MAP4: variants seen among roughly 807,000 people sequenced by gnomAD.
MAP4 encodes the protein microtubule-associated protein 4.
MAP4 carries 76 observed loss-of-function variants against 170.2 expected under a neutral mutation model. That is an observed-to-expected ratio of 0.45 (90% confidence interval 0.37 to 0.54). MAP4 has a LOEUF of 0.54. Among genes scored for constraint, MAP4 ranks in the 20% least tolerant of loss-of-function variants. The probability of loss-of-function intolerance (pLI) is 0.00; values close to 1 mark genes in which losing one functional copy is unlikely to be tolerated. For synonymous variants in MAP4, 909 were observed against 994.5 expected (o/e 0.91, Z 1.62); for missense variants, 2,506 against 2,748.0 (o/e 0.91, Z 1.97).
chr3:48,061,094 C>G (rs1288976895), intron 1 of MAP4, among the ~76,000 whole-genome samples: 1 of 152,082 alleles, frequency 6.6e-6, no homozygotes, highest in Non-Finnish European at 1.5e-5. Flanking sequence ...ATCCACCCAC[C>G]TCGGCCTTCC....
At position 47,917,007 on chromosome 3, in the gene MAP4, A is replaced by C. The variant is rs967200983; in HGVS notation, c.820T>G (p.Leu274Val). The C allele has an allele frequency of 1.2e-6, 2 of 1,613,932 alleles. No individual in the cohort carries two copies. Among genetic ancestry groups the C allele is most frequent in the African/African-American group, 2.7e-5 (2 of 74,882 alleles). Residue 274 changes from leucine to valine, a missense_variant, in exon 7 of 21, where the codon TTG becomes GTG. By Grantham distance (32) the Leu-to-Val change is conservative. This residue lies in a region of MAP4 where 2,008 missense variants were observed against 2,206.0 expected (regional missense o/e 0.91). Transcript: ENST00000683076. The stretch of plus-strand genomic sequence containing the variant: ...GTGGGTGATTCCATATCTTTAGCCA[A>C]TGCCACCTCGGTTTTTGTAGCTAGT... ...MALATKTEVA[L>V]AKDMESPTKL...
Position 47,912,009 on chromosome 3 carries a change from A to G in MAP4, c.2412T>C (p.Ala804=). 1 of 1,536,134 alleles carries G rather than the reference A, an allele frequency of 6.5e-7. No individual in the cohort carries two copies. The highest frequency in any genetic ancestry group is 2.4e-5 in the East Asian group (1 of 40,926). The part of the protein sequence containing the change: ...ADKPKGHPFA[A]DTQKSGVLPS... ...GGAGAACACCTGATTTTTGTGTGTC[A>G]GCTGCAAATGGATGACCTTTAGGCT... The change falls in exon 9 of 21, where the codon GCT becomes GCC. Residue 804 remains alanine, a synonymous_variant. Coordinates refer to ENST00000683076, the MANE Select transcript of MAP4 (RefSeq NM_001385682.1).
At position 47,877,457 on chromosome 3, in the gene MAP4, G is replaced by C; in HGVS notation, c.5501C>G (p.Pro1834Arg). Reference sequence around the variant, plus strand: ...TGGGCTTGGTGGGAGCTCCTTGTTCGGTGGGGTGGTGATGTCATTTCCTGT... The same window carrying C: ...TGGGCTTGGTGGGAGCTCCTTGTTCCGTGGGGTGGTGATGTCATTTCCTGT... ...SGTGNDITTP[P>R]NKELPPSPEK... Residue 1834 changes from proline to arginine, a missense_variant, in exon 11 of 21, where the codon CCG (proline) becomes CGG (arginine). By Grantham distance (103) the Pro-to-Arg change is moderately radical. Transcript: ENST00000683076. 6.2e-7 allele frequency: 1 copy of C among 1,614,026 alleles called. No individual in the cohort carries two copies. The highest frequency in any genetic ancestry group is 8.5e-7 in the Non-Finnish European group (1 of 1,179,972).
intron 1 of MAP4, among the ~76,000 whole-genome samples, chr3:48,061,591 T>G (rs1350791586): frequency 2.6e-5 from 4 of 152,168 alleles, no homozygotes; most frequent in African/African-American, 9.7e-5. Flanking sequence ...GTGCCAAGAT[T>G]GCAGCCTCTG....
intron 1 of MAP4, among the ~76,000 whole-genome samples, chr3:48,004,690 T>A (rs1399109907): frequency 1.3e-5 from 2 of 152,150 alleles, no homozygotes; most frequent in Non-Finnish European, 2.9e-5. Context: ...GTGAGGGCAT[T>A]GATTGGAAAA....
At chr3:47,853,913 C>A (rs17290686) in intron 19 of MAP4, among the ~76,000 whole-genome samples, 5,670 of 152,240 alleles carry the variant, frequency 0.037, 239 homozygotes, top group Admixed American at 0.12. Flanking sequence ...GGAGGTATAA[C>A]CCAGGGACAC....
intron 18 of MAP4, among the ~76,000 whole-genome samples, chr3:47,856,453 GTT>G (rs1305780327): frequency 2.0e-5 from 3 of 147,362 alleles, no homozygotes; most frequent in African/African-American, 7.4e-5. Context: ...GGGAAAGGGA[GTT>G]TTTTTTTTTT....
intron 1 of MAP4, among the ~76,000 whole-genome samples, chr3:48,061,434 T>G (rs1041482312): frequency 1.3e-5 from 2 of 152,138 alleles, no homozygotes; most frequent in Non-Finnish European, 2.9e-5. Flanking sequence ...CTGCGAGTGA[T>G]CTGCCAGCCT....
chr3:48,082,919 C>T (rs1156940937), intron 1 of MAP4, among the ~76,000 whole-genome samples: 2 of 151,712 alleles, frequency 1.3e-5, no homozygotes, highest in African/African-American at 2.4e-5. Context: ...AAATGCATAA[C>T]CTCGGGCTAA....
At chr3:48,063,411 A>G (rs938952707) in intron 1 of MAP4, among the ~76,000 whole-genome samples, 1 of 152,026 alleles carries the variant, frequency 6.6e-6, no homozygotes, top group Non-Finnish European at 1.5e-5. Context: ...TCTTAAAAAA[A>G]AAAAAAAAAA....
At chr3:48,074,571 T>C (rs976560809) in intron 1 of MAP4, among the ~76,000 whole-genome samples, 1 of 143,792 alleles carries the variant, frequency 7.0e-6, no homozygotes, top group Non-Finnish European at 1.5e-5. Flanking sequence ...TGGATTGCAA[T>C]GGCAGGATCA....
chr3:48,009,293 GT>G (rs1379731795), intron 1 of MAP4, among the ~76,000 whole-genome samples: 2 of 152,104 alleles, frequency 1.3e-5, no homozygotes, highest in Non-Finnish European at 2.9e-5. Context: ...TAGAGACAGG[GT>G]TTCACCATGT....
chr3:48,018,590 G>C (rs1159598968), upstream of MAP4, among the ~76,000 whole-genome samples: 1 of 152,034 alleles, frequency 6.6e-6, no homozygotes, highest in Non-Finnish European at 1.5e-5. Flanking sequence ...TGGATTATGA[G>C]GTCAAGAGAT....
chr3:48,086,453 A>G (rs1369973085), intron 1 of MAP4, among the ~76,000 whole-genome samples: 1 of 152,186 alleles, frequency 6.6e-6, no homozygotes, highest in Admixed American at 6.5e-5. Context: ...AGTCTGTCCA[A>G]CGTGGCGAAA....
chr3:48,058,900 C>A (rs1400255493), intron 1 of MAP4, among the ~76,000 whole-genome samples: 1 of 152,138 alleles, frequency 6.6e-6, no homozygotes, highest in East Asian at 1.9e-4. Flanking sequence ...CCTGCCTCAG[C>A]CTCCGAGTAG....
chr3:47,878,838 T>C (rs1032688769), intron 10 of MAP4, among the ~76,000 whole-genome samples: 11 of 128,296 alleles, frequency 8.6e-5, no homozygotes, highest in African/African-American at 3.6e-4. Context: ...ATGCCTGGCC[T>C]GAAATGCCAT....
chr3:48,009,614 A>G (rs963365630), intron 1 of MAP4, among the ~76,000 whole-genome samples: 29 of 152,198 alleles, frequency 1.9e-4, no homozygotes, highest in Admixed American at 5.2e-4. Flanking sequence ...CTAGGTGACA[A>G]TACTTTGCAG....
At chr3:48,018,559 A>T (rs549113046), upstream of MAP4, among the ~76,000 whole-genome samples, 4 of 152,230 alleles carry the variant, frequency 2.6e-5, no homozygotes, top group South Asian at 8.3e-4. Flanking sequence ...AGCACTCAGC[A>T]CTTTGGGAGG....
At chr3:48,075,758 G>A (rs955634150) in intron 1 of MAP4, among the ~76,000 whole-genome samples, 13 of 151,726 alleles carry the variant, frequency 8.6e-5, no homozygotes, top group Admixed American at 1.3e-4. Context: ...TGAATCACCC[G>A]AGGTCAGGAG....
Sources: gnomAD v4.1 joint callset for allele counts (sites outside exome capture counted in the v4.1 genomes callset) on GRCh38, gnomAD v4.1.1 for gene constraint, gnomAD v4.1.1 regional missense constraint, MANE v1.5 for transcripts, NCBI Gene and HGNC (gene_info 2026-07-23, HGNC 2026-07-21) for gene names.